Variants in PTK2B observed in about 807,000 individuals in gnomAD.
PTK2B encodes protein tyrosine kinase 2 beta, also known as protein-tyrosine kinase 2-beta.
A neutral mutation model predicts 142.9 loss-of-function variants in PTK2B; 71 were observed. The ratio of observed to expected loss-of-function variants is 0.50; its 90% CI spans 0.41 to 0.61. The LOEUF is 0.61. Among genes scored for constraint, PTK2B ranks in the 20% least tolerant of loss-of-function variants. The probability of loss-of-function intolerance (pLI) is 0.00; values close to 1 mark genes in which losing one functional copy is unlikely to be tolerated. For missense variants in PTK2B, 1,105 were observed against 1,320.4 expected, an observed-to-expected ratio of 0.84 and a Z score of 2.53; for synonymous variants, 519 against 503.4, an observed-to-expected ratio of 1.03 and a Z score of -0.42.
At chr8:27,440,499 G>A (rs767925182) in intron 21 of PTK2B, 58 bp downstream of exon 21, 10 of 1,562,598 alleles carry the variant, frequency 6.4e-6, no homozygotes, top group Non-Finnish European at 8.8e-6. Context: ...CAGGGAGCAA[G>A]ACCAGCACAC....
intron 2 of PTK2B, among the ~76,000 whole-genome samples, chr8:27,411,443 GGCCTATGTGTGTGCACGA>G (rs1456265278): frequency 1.3e-5 from 2 of 152,136 alleles, no homozygotes; most frequent in Non-Finnish European, 2.9e-5. Flanking sequence ...TTGAGGCAAG[GGCCTATGTGTGTGCACGA>G]GAGCCCCTAT....
At chr8:27,349,225 C>T (rs926958619) in intron 1 of PTK2B, among the ~76,000 whole-genome samples, 1 of 152,208 alleles carries the variant, frequency 6.6e-6, no homozygotes, top group Non-Finnish European at 1.5e-5. Flanking sequence ...AGTGTATTTC[C>T]AATCCCAGAT....
At chr8:27,440,994 C>A (rs970656392) in intron 21 of PTK2B, among the ~76,000 whole-genome samples, 1 of 151,974 alleles carries the variant, frequency 6.6e-6, no homozygotes, top group African/African-American at 2.4e-5. Flanking sequence ...TTCAGGGTCC[C>A]CCAGTTTTCT....
At chr8:27,402,470 G>C (rs1808441137) in intron 2 of PTK2B, among the ~76,000 whole-genome samples, 1 of 152,210 alleles carries the variant, frequency 6.6e-6, no homozygotes, top group Admixed American at 6.5e-5. Context: ...AGACACTTGA[G>C]TGAGGTCAGT....
chr8:27,445,697 C>T (rs536179888), intron 23 of PTK2B, 97 bp from the exon 24 acceptor site: 2 of 1,542,294 alleles, frequency 1.3e-6, no homozygotes, highest in Non-Finnish European at 1.8e-6. Context: ...CCCTGTGGTG[C>T]TCATGCATAG....
At chr8:27,422,410 G>C (rs1176685465) in intron 5 of PTK2B, 27 bp downstream of exon 5, 1 of 1,588,802 alleles carries the variant, frequency 6.3e-7, no homozygotes. Flanking sequence ...CCTCTGCTGG[G>C]AGGGCGCTGT....
chr8:27,445,940 G>A (rs776849867), intron 24 of PTK2B, 21 bp downstream of exon 24: 2 of 1,612,164 alleles, frequency 1.2e-6, no homozygotes, highest in South Asian at 1.1e-5. Flanking sequence ...TCTGCATGCT[G>A]GTCCCTGCCC....
At chr8:27,446,044 C>T (rs139450222) in intron 24 of PTK2B, 125 bp downstream of exon 24, 11 of 1,397,846 alleles carry the variant, frequency 7.9e-6, no homozygotes, top group Non-Finnish European at 1.1e-5. Flanking sequence ...ATGCACCAGT[C>T]AGGCCACTGA....
chr8:27,332,644 C>T (rs759330620), intron 1 of PTK2B, among the ~76,000 whole-genome samples: 5 of 152,020 alleles, frequency 3.3e-5, no homozygotes, highest in African/African-American at 4.8e-5. Context: ...TACAGTGGTG[C>T]GATCACACCT....
intron 1 of PTK2B, among the ~76,000 whole-genome samples, chr8:27,337,790 C>T (rs952473002): frequency 2.6e-5 from 4 of 152,066 alleles, no homozygotes; most frequent in Admixed American, 6.6e-5. Flanking sequence ...GGATTGTTTC[C>T]ACTTTTTGAC....
chr8:27,440,036 G>A (rs1034821564), intron 20 of PTK2B, among the ~76,000 whole-genome samples: 1 of 152,160 alleles, frequency 6.6e-6, no homozygotes, highest in Admixed American at 6.5e-5. Flanking sequence ...AGCGAGCAAG[G>A]CCTTAGGTCA....
chr8:27,356,944 T>C (rs1441442110), intron 1 of PTK2B, among the ~76,000 whole-genome samples: 1 of 152,108 alleles, frequency 6.6e-6, no homozygotes, highest in Non-Finnish European at 1.5e-5. Context: ...CCCAAAGAAG[T>C]CTTTTCACGG....
chr8:27,365,701 AT>A (rs1563223143), intron 1 of PTK2B, among the ~76,000 whole-genome samples: 1 of 152,234 alleles, frequency 6.6e-6, no homozygotes, highest in African/African-American at 2.4e-5. Flanking sequence ...CTCATTAAAA[AT>A]ACCCCAAAGA....
chr8:27,364,903 G>T (rs945000195), intron 1 of PTK2B, among the ~76,000 whole-genome samples: 1 of 152,120 alleles, frequency 6.6e-6, no homozygotes, highest in African/African-American at 2.4e-5. Flanking sequence ...TTTGTCACTC[G>T]ATTGCTGCCC....
At chr8:27,422,501 G>A (rs924275080) in intron 5 of PTK2B, 118 bp downstream of exon 5, 3 of 986,884 alleles carry the variant, frequency 3.0e-6, no homozygotes, top group South Asian at 3.8e-5. Flanking sequence ...AGGAAGGGGA[G>A]AGGTGGTGAC....
At chr8:27,327,584 C>G in intron 1 of PTK2B, among the ~76,000 whole-genome samples, 2 of 152,212 alleles carry the variant, frequency 1.3e-5, no homozygotes, top group Non-Finnish European at 2.9e-5. Flanking sequence ...AGGCTGGAAA[C>G]TGCCCAGGCA....
intron 2 of PTK2B, among the ~76,000 whole-genome samples, chr8:27,411,447 T>C (rs910921472): frequency 6.6e-5 from 10 of 152,198 alleles, no homozygotes; most frequent in Non-Finnish European, 1.3e-4. Context: ...GGCAAGGGCC[T>C]ATGTGTGTGC....
In PTK2B at chr8:27,416,650, A is replaced by G. The variant is rs139843758; in HGVS notation, c.205-3245A>G. On this transcript the variant is annotated intron_variant, in intron 2 of 30. Transcript: ENST00000346049. Reference sequence around the variant, plus strand: ...GACAAGTTAGACTCTGTCAGAAGACATTGATTAGGCAATGCAGAATGGGCA... The same window carrying G: ...GACAAGTTAGACTCTGTCAGAAGACGTTGATTAGGCAATGCAGAATGGGCA... 1.3e-4 allele frequency among the ~76,000 whole-genome samples: 20 copies of G among 152,368 alleles called. No individual in the cohort carries two copies. In the East Asian group the frequency reaches 2.5e-3, roughly 19 times the overall value.
chr8:27,445,198 C>G (rs934103610), intron 23 of PTK2B, among the ~76,000 whole-genome samples: 16 of 151,858 alleles, frequency 1.1e-4, no homozygotes, highest in Non-Finnish European at 4.4e-5. Flanking sequence ...AGTGAGACCC[C>G]ATCTCTAAAA....
Sources: gnomAD v4.1 joint callset for allele counts (sites outside exome capture counted in the v4.1 genomes callset) on GRCh38, gnomAD v4.1.1 for gene constraint, MANE v1.5 for transcripts, NCBI Gene and HGNC (gene_info 2026-07-23, HGNC 2026-07-21) for gene names.